Variants in DOCK4 observed in about 807,000 individuals in gnomAD.
DOCK4 encodes the protein dedicator of cytokinesis protein 4.
A neutral mutation model predicts 268.1 loss-of-function variants in DOCK4; 97 were observed. The ratio of observed to expected loss-of-function variants is 0.36; its 90% CI spans 0.31 to 0.43. The LOEUF (loss-of-function observed/expected upper bound fraction) is 0.43. Among genes scored for constraint, DOCK4 ranks in the 20% least tolerant of loss-of-function variants. The pLI is 1.00. For synonymous variants in DOCK4, 954 were observed against 887.2 expected, an observed-to-expected ratio of 1.08 and a Z score of -1.34; for missense variants, 2,145 against 2,455.7, an observed-to-expected ratio of 0.87 and a Z score of 2.67.
intron 38 of DOCK4, among the ~76,000 whole-genome samples, chr7:111,766,447 G>A (rs958715518): frequency 1.3e-5 from 2 of 152,138 alleles, no homozygotes; most frequent in African/African-American, 4.8e-5. Flanking sequence ...CGTTCATGTT[G>A]CTCAAGAGTA....
At position 111,859,552 on chromosome 7, in the gene DOCK4, G is replaced by A. The variant is rs189359959; in HGVS notation, c.2473+3820C>T. Reference sequence around the variant, plus strand: ...TTTTGCTGTTGTAAAAATTGTGTACGTGTGTGTTAATTTTTTTTTTTTTTT... The same window carrying A: ...TTTTGCTGTTGTAAAAATTGTGTACATGTGTGTTAATTTTTTTTTTTTTTT... On this transcript the variant is annotated intron_variant, in intron 23 of 52. Coordinates refer to ENST00000428084, the MANE Select transcript of DOCK4 (RefSeq NM_001363540.2). 3.3e-4 allele frequency among the ~76,000 whole-genome samples: 49 copies of A among 149,682 alleles called. No homozygotes were observed. In the East Asian group the frequency reaches 7.1e-3, roughly 22 times the overall value.
intron 1 of DOCK4, among the ~76,000 whole-genome samples, chr7:112,114,787 G>T (rs1811975448): frequency 6.6e-6 from 1 of 152,146 alleles, no homozygotes; most frequent in East Asian, 1.9e-4. Context: ...CTACAGTTTG[G>T]TGCCAGGGTC....
intron 35 of DOCK4, among the ~76,000 whole-genome samples, chr7:111,781,495 G>A (rs1471243690): frequency 2.6e-5 from 4 of 152,238 alleles, no homozygotes; most frequent in African/African-American, 7.2e-5. Context: ...CCCAGTGAGC[G>A]TGGGCTAATG....
At chr7:112,188,007 T>C (rs1164968921) in intron 1 of DOCK4, among the ~76,000 whole-genome samples, 1 of 152,236 alleles carries the variant, frequency 6.6e-6, no homozygotes, top group Non-Finnish European at 1.5e-5. Flanking sequence ...TTTAAATAAC[T>C]TAATAGCTCT....
At chr7:111,771,456 G>A (rs565108742) in intron 36 of DOCK4, among the ~76,000 whole-genome samples, 53 of 152,338 alleles carry the variant, frequency 3.5e-4, no homozygotes, top group African/African-American at 1.3e-3. Context: ...TAATGGGATT[G>A]AACGTGAGAT....
intron 1 of DOCK4, among the ~76,000 whole-genome samples, chr7:112,076,976 T>C (rs11971933): frequency 0.25 from 37,838 of 151,994 alleles, 9,557 homozygotes; most frequent in African/African-American, 0.64. Flanking sequence ...TACATATAAA[T>C]GGCAAGGTGT....
In DOCK4 at chr7:111,739,246, G is replaced by A. The variant is rs1795722620; in HGVS notation, c.5123-3C>T. The stretch of plus-strand genomic sequence containing the variant: ...TTTGTCAGACAACAAAGGAGAAGCT[G>A]GGAAGAGAAGGAGAGAGAGGATCAT... On this transcript the variant is annotated splice_region_variant and splice_polypyrimidine_tract_variant and intron_variant, in intron 48 of 52. Transcript: ENST00000428084. 6.2e-7 allele frequency: 1 copy of A among 1,612,488 alleles called. No individual in the cohort carries two copies. The highest frequency in any genetic ancestry group is 1.7e-4 in the Middle Eastern group (1 of 6,058).
Position 111,727,663 on chromosome 7 carries a change from A to G in DOCK4, c.*611T>C, listed in dbSNP as rs942207308. ...TTTAGCTACCAATTCACAAAATAGAATTTTACGAATGTAGACAGCAGTCAA... is the reference window on the plus strand; with the variant it reads ...TTTAGCTACCAATTCACAAAATAGAGTTTTACGAATGTAGACAGCAGTCAA... On this transcript the variant is annotated 3_prime_UTR_variant, in exon 53 of 53. Transcript: ENST00000428084. 7.2e-5 allele frequency: 11 copies of G among 152,580 alleles called. No individual in the cohort carries two copies. Among genetic ancestry groups the G allele is most frequent in the African/African-American group, 2.6e-4 (11 of 41,586 alleles). The allele number at this position is 152,580 out of a possible 1,614,324, so 9.5% of individuals were successfully genotyped here.
At chr7:111,907,186 T>G (rs868459653) in intron 13 of DOCK4, among the ~76,000 whole-genome samples, 1 of 152,280 alleles carries the variant, frequency 6.6e-6, no homozygotes, top group Non-Finnish European at 1.5e-5. Context: ...GTAAAACCCA[T>G]CAGGTTTTCT....
chr7:112,137,998 T>C (rs2116228435), intron 1 of DOCK4, among the ~76,000 whole-genome samples: 1 of 152,342 alleles, frequency 6.6e-6, no homozygotes, highest in South Asian at 2.1e-4. Flanking sequence ...ATCATCATCA[T>C]CATCCACCTC....
chr7:111,998,453 G>A lies in DOCK4; in HGVS notation c.213C>T (p.Asn71=). 1 of 1,582,784 alleles carries A rather than the reference G, an allele frequency of 6.3e-7. No homozygotes were observed. The highest frequency in any genetic ancestry group is 8.6e-7 in the Non-Finnish European group (1 of 1,162,010). The change falls in exon 4 of 53, where the codon AAC becomes AAT. Residue 71 remains asparagine, a synonymous_variant. Transcript: ENST00000428084. ...TAATAAAACTCATTTCTTACCCTTT[G>A]TTCTTTACACAGGCATTTTTCAAGT... ...YVHLKNACVK[N]KGQFEMVIPT...
intron 25 of DOCK4, among the ~76,000 whole-genome samples, chr7:111,840,061 T>C (rs1803558889): frequency 6.6e-6 from 1 of 152,214 alleles, no homozygotes; most frequent in African/African-American, 2.4e-5. Flanking sequence ...TGTGAAACTT[T>C]CTTTTGTATA....
At chr7:111,889,407 C>A (rs1808111527) in intron 16 of DOCK4, among the ~76,000 whole-genome samples, 3 of 152,070 alleles carry the variant, frequency 2.0e-5, no homozygotes, top group Non-Finnish European at 4.4e-5. Context: ...ATGGGGTTCA[C>A]TGGGCAGCAG....
intron 11 of DOCK4, among the ~76,000 whole-genome samples, chr7:111,935,936 A>G (rs758741030): frequency 5.3e-5 from 8 of 152,334 alleles, no homozygotes; most frequent in East Asian, 1.9e-4. Context: ...GGCAGCCCCA[A>G]CTGAGTTCAA....
intron 36 of DOCK4, among the ~76,000 whole-genome samples, chr7:111,773,413 T>C (rs572579097): frequency 2.2e-4 from 33 of 152,328 alleles, no homozygotes; most frequent in African/African-American, 7.7e-4. Context: ...AGAAAAAAGA[T>C]TAACCCAGTT....
chr7:112,158,352 T>A (rs1461793864), intron 1 of DOCK4, among the ~76,000 whole-genome samples: 15 of 152,210 alleles, frequency 9.9e-5, no homozygotes. Context: ...AATAAATACT[T>A]TTTGAACAAA....
At chr7:111,900,308 G>T in intron 15 of DOCK4, 66 bp downstream of exon 15, 2 of 1,540,878 alleles carry the variant, frequency 1.3e-6, no homozygotes, top group South Asian at 2.4e-5. Context: ...ACATCTTCAT[G>T]ACAGCTCAGT....
chr7:111,975,010 A>C (rs1217003424), intron 8 of DOCK4, among the ~76,000 whole-genome samples: 1 of 152,208 alleles, frequency 6.6e-6, no homozygotes, highest in African/African-American at 2.4e-5. Flanking sequence ...TCATGCCTAT[A>C]ATCCCCAGCA....
At chr7:111,840,784 C>T in intron 25 of DOCK4, 1 of 1,314,796 alleles carries the variant, frequency 7.6e-7, no homozygotes, top group Non-Finnish European at 9.9e-7. Context: ...TTGTCATGGG[C>T]ACTTTTCCAT....
Sources: gnomAD v4.1 joint callset for allele counts (sites outside exome capture counted in the v4.1 genomes callset) on GRCh38, gnomAD v4.1.1 for gene constraint, MANE v1.5 for transcripts, NCBI Gene and HGNC (gene_info 2026-07-23, HGNC 2026-07-21) for gene names.